NELL1: variants seen among roughly 807,000 people sequenced by gnomAD.
NELL1 encodes the protein neural EGFL like 1, also known as protein kinase C-binding protein NELL1.
A neutral mutation model predicts 107.4 loss-of-function variants in NELL1; 76 were observed. That is an observed-to-expected ratio of 0.71 (90% CI 0.59 to 0.86). NELL1 has a LOEUF of 0.86. Ranked by LOEUF, NELL1 falls within the 40% of genes least tolerant of loss-of-function variation. The probability of loss-of-function intolerance (pLI) is 0.00; values close to 1 mark genes in which losing one functional copy is unlikely to be tolerated. For missense variants in NELL1, 1,024 were observed against 1,005.5 expected (o/e 1.02, Z -0.25); for synonymous variants, 353 against 341.2 (o/e 1.03, Z -0.38).
At chr11:21,206,342 CA>C (rs1387680230) in intron 13 of NELL1, among the ~76,000 whole-genome samples, 3 of 152,088 alleles carry the variant, frequency 2.0e-5, no homozygotes, top group African/African-American at 7.2e-5. Flanking sequence ...CTTATAAAGA[CA>C]CCAGTCATTG....
chr11:21,410,400 A>AT (rs1237851313), intron 15 of NELL1, among the ~76,000 whole-genome samples: 1 of 152,076 alleles, frequency 6.6e-6, no homozygotes, highest in Non-Finnish European at 1.5e-5. Flanking sequence ...AAACTCTCTG[A>AT]GGAGGAAGGC....
At chr11:21,196,812 G>T (rs752284230) in intron 13 of NELL1, among the ~76,000 whole-genome samples, 2 of 151,292 alleles carry the variant, frequency 1.3e-5, no homozygotes, top group African/African-American at 2.4e-5. Context: ...CACTTAAGAG[G>T]TACATCACAA....
intron 5 of NELL1, among the ~76,000 whole-genome samples, chr11:20,907,049 A>T (rs1590402500): frequency 6.6e-6 from 1 of 152,084 alleles, no homozygotes; most frequent in East Asian, 1.9e-4. Flanking sequence ...AACTATCTCT[A>T]CTCACAGATG....
chr11:21,320,532 C>T (rs1213869668), intron 14 of NELL1, among the ~76,000 whole-genome samples: 3 of 152,152 alleles, frequency 2.0e-5, no homozygotes, highest in Non-Finnish European at 4.4e-5. Flanking sequence ...GTTATCTTGT[C>T]CTCACAATGC....
chr11:21,337,868 T>C (rs1850470144), intron 14 of NELL1, among the ~76,000 whole-genome samples: 1 of 150,676 alleles, frequency 6.6e-6, no homozygotes, highest in African/African-American at 2.4e-5. Context: ...TTTCTTTCTT[T>C]CTTTCTTTCT....
intron 16 of NELL1, among the ~76,000 whole-genome samples, chr11:21,555,285 A>G (rs1257739225): frequency 6.6e-6 from 1 of 151,954 alleles, no homozygotes; most frequent in Non-Finnish European, 1.5e-5. Context: ...TTAGACTGAA[A>G]TAATCAATAA....
At chr11:20,766,890 G>T (rs1856544023) in intron 2 of NELL1, among the ~76,000 whole-genome samples, 1 of 152,058 alleles carries the variant, frequency 6.6e-6, no homozygotes, top group African/African-American at 2.4e-5. Context: ...TTACAGGCGT[G>T]CACCACCACG....
At chr11:21,228,927 T>C (rs1377168990) in intron 13 of NELL1, among the ~76,000 whole-genome samples, 1 of 151,794 alleles carries the variant, frequency 6.6e-6, no homozygotes, top group Admixed American at 6.6e-5. Context: ...TCAGTATCAC[T>C]TCCTGTTCCC....
At chr11:20,815,011 G>A (rs1261041356) in intron 3 of NELL1, among the ~76,000 whole-genome samples, 1 of 152,062 alleles carries the variant, frequency 6.6e-6, no homozygotes, top group Non-Finnish European at 1.5e-5. Flanking sequence ...ATTCTGATTA[G>A]TGTGAGATGG....
At chr11:21,326,190 T>A (rs1850138487) in intron 14 of NELL1, among the ~76,000 whole-genome samples, 1 of 151,300 alleles carries the variant, frequency 6.6e-6, no homozygotes, top group South Asian at 2.1e-4. Context: ...ACTTATTCCT[T>A]GTTCCTTTTG....
intron 15 of NELL1, among the ~76,000 whole-genome samples, chr11:21,401,935 G>C (rs1206242993): frequency 6.6e-6 from 1 of 151,714 alleles, no homozygotes; most frequent in African/African-American, 2.4e-5. Flanking sequence ...AACTGTGCTT[G>C]AACAGAGAAT....
chr11:20,672,393 G>A (rs1249108333), intron 1 of NELL1, among the ~76,000 whole-genome samples: 1 of 152,188 alleles, frequency 6.6e-6, no homozygotes, highest in Non-Finnish European at 1.5e-5. Flanking sequence ...GGCTTTTAAT[G>A]GAACTGAGTA....
chr11:21,310,870 G>T (rs1849735356), intron 14 of NELL1, among the ~76,000 whole-genome samples: 1 of 152,066 alleles, frequency 6.6e-6, no homozygotes, highest in African/African-American at 2.4e-5. Flanking sequence ...GTGCATGTTA[G>T]ATATATTCAT....
intron 15 of NELL1, among the ~76,000 whole-genome samples, chr11:21,416,229 T>C (rs1852516992): frequency 6.6e-6 from 1 of 152,094 alleles, no homozygotes; most frequent in Admixed American, 6.6e-5. Context: ...TTGGGAGTAA[T>C]TTAAGAAAAG....
rs527242785 is a variant in NELL1, at chr11:21,436,425, T to G, written c.1645+65477T>G. Among the ~76,000 whole-genome samples, 18 of 152,304 alleles carry G rather than the reference T, an allele frequency of 1.2e-4. No homozygotes were observed. The South Asian group carries it at 3.7e-3, about 32-fold the overall frequency. On this transcript the variant is annotated intron_variant, in intron 15 of 19. Coordinates refer to ENST00000357134, the MANE Select transcript of NELL1 (RefSeq NM_006157.5). ...ATTCCCCATAGGTTTTCTAATTTGT[T>G]GGCATATAGGTGTTCCTAATAGTCT...
At chr11:20,735,662 A>G (rs1275797854) in intron 2 of NELL1, among the ~76,000 whole-genome samples, 3 of 152,318 alleles carry the variant, frequency 2.0e-5, no homozygotes, top group African/African-American at 7.2e-5. Context: ...AACAGTTTCA[A>G]TGGAGTGGCC....
At chr11:21,431,914 A>G (rs1852976083) in intron 15 of NELL1, among the ~76,000 whole-genome samples, 1 of 152,070 alleles carries the variant, frequency 6.6e-6, no homozygotes, top group Non-Finnish European at 1.5e-5. Flanking sequence ...ACTCATCTTT[A>G]CTAGCTGGAT....
At chr11:20,893,894 T>C (rs1849671818) in intron 5 of NELL1, among the ~76,000 whole-genome samples, 1 of 143,342 alleles carries the variant, frequency 7.0e-6, no homozygotes, top group African/African-American at 2.6e-5. Context: ...AAACTAAACA[T>C]GAGAAGGCTG....
intron 14 of NELL1, among the ~76,000 whole-genome samples, chr11:21,345,426 T>C (rs1476834854): frequency 3.9e-5 from 6 of 152,176 alleles, no homozygotes; most frequent in Non-Finnish European, 1.5e-5. Context: ...AGCATTTGCA[T>C]ATCCATATCT....
Sources: allele counts gnomAD v4.1 joint callset (sites outside exome capture counted in the v4.1 genomes callset), GRCh38; gene constraint gnomAD v4.1.1; transcripts MANE v1.5; gene names NCBI Gene and HGNC (gene_info 2026-07-23, HGNC 2026-07-21).